CD96: variants seen among roughly 807,000 people sequenced by gnomAD.
CD96 encodes CD96 molecule, also known as T-cell surface protein tactile.
CD96 carries 70 observed loss-of-function variants against 71.3 expected under a neutral mutation model. The ratio of observed to expected loss-of-function variants is 0.98; its 90% CI spans 0.81 to 1.20. The LOEUF (loss-of-function observed/expected upper bound fraction) is 1.20. Ranked by LOEUF, CD96 falls within the 50% of genes most tolerant of loss-of-function variation. The probability of loss-of-function intolerance (pLI) is 0.00; values close to 1 mark genes in which losing one functional copy is unlikely to be tolerated. For missense variants in CD96, 742 were observed against 677.5 expected (o/e 1.10, Z -1.06); for synonymous variants, 248 against 233.0 (o/e 1.06, Z -0.59).
At chr3:111,632,104 A>G (rs2107737597) in intron 10 of CD96, among the ~76,000 whole-genome samples, 1 of 152,300 alleles carries the variant, frequency 6.6e-6, no homozygotes, top group African/African-American at 2.4e-5. Context: ...TGCAACAAAA[A>G]CAAAAATTGA....
At chr3:111,593,801 C>T (rs772982617) in intron 5 of CD96, 1 of 1,614,238 alleles carries the variant, frequency 6.2e-7, no homozygotes, top group South Asian at 1.1e-5. Flanking sequence ...ACCCTCAATG[C>T]CTGTGGGGAG....
chr3:111,544,439 G>A (rs374246654), intron 1 of CD96, among the ~76,000 whole-genome samples: 40 of 151,900 alleles, frequency 2.6e-4, no homozygotes, highest in African/African-American at 8.9e-4. Context: ...CACTGCGCCA[G>A]GCCTGGAGGT....
chr3:111,562,617 C>G (rs973433772), intron 2 of CD96, among the ~76,000 whole-genome samples: 1 of 152,240 alleles, frequency 6.6e-6, no homozygotes, highest in Non-Finnish European at 1.5e-5. Context: ...ATTGGTCCAG[C>G]CATGATTTTG....
In CD96 at chr3:111,622,167, G is replaced by T. The variant is rs565635267; in HGVS notation, c.1181-1587G>T. ...AGCCCTTTTCTAGTGCAACACTTTG[G>T]AATGTAGTTCTTGACTTGGGCCAGG... On this transcript the variant is annotated intron_variant, in intron 8 of 13. Coordinates refer to ENST00000352690, the MANE Select transcript of CD96 (RefSeq NM_005816.5). 2.6e-5 allele frequency among the ~76,000 whole-genome samples: 4 copies of T among 152,270 alleles called. No homozygotes were observed. In the South Asian group the frequency reaches 8.3e-4, roughly 32 times the overall value.
chr3:111,578,992 A>C (rs370355294), intron 3 of CD96, 35 bp from the exon 4 acceptor site: 1 of 1,049,710 alleles, frequency 9.5e-7, no homozygotes, highest in Admixed American at 1.7e-5. Context: ...GGCACAGTTG[A>C]GGACTCAATA....
At chr3:111,619,742 A>G (rs1034493093) in intron 8 of CD96, among the ~76,000 whole-genome samples, 2 of 152,246 alleles carry the variant, frequency 1.3e-5, no homozygotes, top group Non-Finnish European at 2.9e-5. Context: ...AAAATTTTTT[A>G]ATTCTCTGCA....
intron 10 of CD96, chr3:111,633,762 C>G (rs1357350740): frequency 6.5e-6 from 1 of 153,060 alleles, no homozygotes; most frequent in Non-Finnish European, 1.5e-5. Flanking sequence ...AGAGGTGGTG[C>G]TGGCCCAGTA....
intron 8 of CD96, chr3:111,612,687 C>T (rs1938013220): frequency 6.4e-6 from 1 of 156,602 alleles, no homozygotes; most frequent in Admixed American, 6.5e-5. Flanking sequence ...AGTCCTGCTG[C>T]CTCAAAGAGT....
chr3:111,593,755 C>A, intron 5 of CD96: 1 of 1,614,232 alleles, frequency 6.2e-7, no homozygotes, highest in Non-Finnish European at 8.5e-7. Flanking sequence ...CCCACAAAGC[C>A]ATGGTGCCCA....
chr3:111,608,241 C>T (rs1422887633), intron 8 of CD96, among the ~76,000 whole-genome samples: 2 of 152,206 alleles, frequency 1.3e-5, no homozygotes, highest in Non-Finnish European at 2.9e-5. Flanking sequence ...CAGTTGGCTT[C>T]CTCTGGACCA....
At chr3:111,560,240 A>G (rs1406364779) in intron 2 of CD96, among the ~76,000 whole-genome samples, 1 of 151,038 alleles carries the variant, frequency 6.6e-6, no homozygotes, top group African/African-American at 2.4e-5. Context: ...TGTGAATTTG[A>G]TCCTGTCATT....
intron 10 of CD96, among the ~76,000 whole-genome samples, chr3:111,625,588 T>G (rs1336313175): frequency 6.6e-6 from 1 of 152,130 alleles, no homozygotes; most frequent in Admixed American, 6.5e-5. Context: ...AAAATTAAAA[T>G]GTACCCCTGC....
chr3:111,620,047 C>T (rs1280532794), intron 8 of CD96, among the ~76,000 whole-genome samples: 4 of 152,222 alleles, frequency 2.6e-5, no homozygotes, highest in Non-Finnish European at 5.9e-5. Context: ...ATGGCTATTA[C>T]TAATCCATGA....
intron 2 of CD96, among the ~76,000 whole-genome samples, chr3:111,555,146 A>C (rs1266726505): frequency 7.0e-6 from 1 of 143,448 alleles, no homozygotes; most frequent in African/African-American, 2.6e-5. Context: ...GGCCACGGAC[A>C]AGTACCAGTC....
At chr3:111,601,794 T>C (rs1160921743) in intron 7 of CD96, among the ~76,000 whole-genome samples, 1 of 152,208 alleles carries the variant, frequency 6.6e-6, no homozygotes, top group Non-Finnish European at 1.5e-5. Flanking sequence ...AAACAGTTTT[T>C]CTTTGTTACA....
chr3:111,631,181 A>AAATAGGAAATAAAGGAAGTTG (rs1296352219), intron 10 of CD96, among the ~76,000 whole-genome samples: 1 of 152,206 alleles, frequency 6.6e-6, no homozygotes, highest in Non-Finnish European at 1.5e-5. Context: ...AAGCACATTT[A>AAATAGGAAATAAAGGAAGTTG]AATAGGAAAT....
chr3:111,593,435 A>C (rs972405605), intron 5 of CD96: 1 of 1,379,484 alleles, frequency 7.2e-7, no homozygotes, highest in African/African-American at 1.4e-5. Context: ...ATTTCACATA[A>C]AAGCAAAATG....
At chr3:111,590,992 T>A (rs556207852) in intron 5 of CD96, among the ~76,000 whole-genome samples, 89 of 152,300 alleles carry the variant, frequency 5.8e-4, no homozygotes, top group Middle Eastern at 6.8e-3. Context: ...TAAAGAAAAT[T>A]ATCTGTCATG....
At chr3:111,554,511 C>CT (rs1198914576) in intron 2 of CD96, among the ~76,000 whole-genome samples, 4 of 151,920 alleles carry the variant, frequency 2.6e-5, no homozygotes, top group African/African-American at 7.2e-5. Flanking sequence ...CTCTTATTTT[C>CT]TTTTTTTGCA....
Sources: allele counts gnomAD v4.1 joint callset (sites outside exome capture counted in the v4.1 genomes callset), GRCh38; gene constraint gnomAD v4.1.1; transcripts MANE v1.5; gene names NCBI Gene and HGNC (gene_info 2026-07-23, HGNC 2026-07-21).